Variants in MDFIC2 observed in about 807,000 individuals in gnomAD.
The protein encoded by MDFIC2 is myoD family inhibitor domain-containing protein 2.
chr3:70,264,394 C>G (rs13081397), intron 2 of MDFIC2, among the ~76,000 whole-genome samples: 60,984 of 152,096 alleles, frequency 0.4, 13,454 homozygotes, highest in Non-Finnish European at 0.51. Flanking sequence ...AGGGCAAACA[C>G]AGCAACAGGG....
chr3:70,274,090 T>TGTGTGTGCGCGC (rs770689062), intron 2 of MDFIC2, among the ~76,000 whole-genome samples: 2 of 145,062 alleles, frequency 1.4e-5, no homozygotes, highest in South Asian at 4.4e-4. Context: ...TGTGTGTGTG[T>TGTGTGTGCGCGC]GCGCGCGCGC....
intron 2 of MDFIC2, among the ~76,000 whole-genome samples, chr3:70,247,723 C>T (rs1701721269): frequency 6.6e-6 from 1 of 151,422 alleles, no homozygotes; most frequent in Admixed American, 6.6e-5. Flanking sequence ...TGAGCATTTG[C>T]CAATGCAATA....
At chr3:70,240,388 T>A (rs1701655816) in intron 2 of MDFIC2, among the ~76,000 whole-genome samples, 1 of 152,106 alleles carries the variant, frequency 6.6e-6, no homozygotes, top group East Asian at 1.9e-4. Flanking sequence ...GTGAGCTATG[T>A]GGTTTTTTGT....
intron 2 of MDFIC2, among the ~76,000 whole-genome samples, chr3:70,281,030 C>T (rs1702077743): frequency 1.3e-5 from 2 of 152,102 alleles, no homozygotes; most frequent in Admixed American, 1.3e-4. Context: ...TCCTTTGTAT[C>T]TTTGGGTCTT....
chr3:70,301,741 T>C (rs1702350686), intron 2 of MDFIC2, among the ~76,000 whole-genome samples: 1 of 152,086 alleles, frequency 6.6e-6, no homozygotes, highest in Non-Finnish European at 1.5e-5. Flanking sequence ...CTCAAGAAGA[T>C]TTATTTATAT....
chr3:70,225,018 C>T (rs1244803715), intron 2 of MDFIC2, among the ~76,000 whole-genome samples: 1 of 152,068 alleles, frequency 6.6e-6, no homozygotes. Context: ...GTACTCAAGA[C>T]AATGGAGGTT....
intron 2 of MDFIC2, among the ~76,000 whole-genome samples, chr3:70,308,915 G>T (rs1288599951): frequency 1.3e-5 from 2 of 152,120 alleles, no homozygotes; most frequent in Non-Finnish European, 2.9e-5. Flanking sequence ...GCCGAATAAG[G>T]CATTGCTGTG....
rs945956509 is a variant in MDFIC2, at chr3:70,194,683, A to G, written c.*2243T>C. ...AGACCTGGTGATTTTTATGTCTCTA[A>G]TTGACAAGCATTCAATTCACATTTG... On this transcript the variant is annotated 3_prime_UTR_variant, in exon 4 of 4. Coordinates refer to ENST00000567252, the MANE Select transcript of MDFIC2 (RefSeq NM_001364677.1). 6.6e-6 allele frequency among the ~76,000 whole-genome samples: 1 copy of G among 152,326 alleles called. No homozygotes were observed. The highest frequency in any genetic ancestry group is 1.5e-5 in the Non-Finnish European group (1 of 68,022).
At chr3:70,205,270 A>T (rs1701279287) in intron 3 of MDFIC2, 1 of 152,194 alleles carries the variant, frequency 6.6e-6, no homozygotes, top group African/African-American at 2.4e-5. Flanking sequence ...GTGTCGAGGT[A>T]GTGACATTTA....
At position 70,283,452 on chromosome 3, in the gene MDFIC2, G is replaced by A. The variant is rs151052775; in HGVS notation, c.88+28434C>T. ...CTGTAGAATTGTTCAAAGAGCAAGG[G>A]CCTTGAAGAGAGGATTTGAATCCCA... On this transcript the variant is annotated intron_variant, in intron 2 of 3. Transcript: ENST00000567252. Among the ~76,000 whole-genome samples the A allele has an allele frequency of 7.9e-5, 12 of 152,202 alleles. No homozygotes were observed. In the East Asian group the frequency reaches 2.1e-3, roughly 27 times the overall value.
At chr3:70,302,615 T>G (rs1702362256) in intron 2 of MDFIC2, 1 of 152,188 alleles carries the variant, frequency 6.6e-6, no homozygotes, top group South Asian at 2.1e-4. Flanking sequence ...TTCTTCCTAT[T>G]GGGACTGGAG....
chr3:70,225,722 A>G lies in MDFIC2; in HGVS notation c.89-18932T>C, dbSNP rs560265440. Among the ~76,000 whole-genome samples, 61 of 152,362 alleles carry G rather than the reference A, an allele frequency of 4.0e-4. 1 individual carries two copies. Among genetic ancestry groups the G allele is most frequent in the African/African-American group, 1.4e-3 (59 of 41,588 alleles). ...CACCCCCAAAATGAAACAATAAAGT[A>G]GAACGATAGTTTGGTGATAAGAACA... On this transcript the variant is annotated intron_variant, in intron 2 of 3. Coordinates refer to ENST00000567252, the MANE Select transcript of MDFIC2 (RefSeq NM_001364677.1).
chr3:70,216,409 G>C (rs2106733342), intron 2 of MDFIC2, among the ~76,000 whole-genome samples: 1 of 151,674 alleles, frequency 6.6e-6, no homozygotes, highest in South Asian at 2.1e-4. Context: ...AATACTCCCA[G>C]CAACCCTATG....
At chr3:70,282,939 T>G (rs1215941481) in intron 2 of MDFIC2, among the ~76,000 whole-genome samples, 1 of 152,150 alleles carries the variant, frequency 6.6e-6, no homozygotes, top group African/African-American at 2.4e-5. Context: ...AAAAGATGAC[T>G]CTTATAACCA....
At chr3:70,267,483 A>G (rs1433717073) in intron 2 of MDFIC2, among the ~76,000 whole-genome samples, 2 of 137,712 alleles carry the variant, frequency 1.5e-5, no homozygotes, top group Non-Finnish European at 3.0e-5. Context: ...GCTCACTGCA[A>G]GCTCCGCCTC....
At chr3:70,246,121 T>C (rs969691606) in intron 2 of MDFIC2, among the ~76,000 whole-genome samples, 1 of 151,994 alleles carries the variant, frequency 6.6e-6, no homozygotes, top group East Asian at 1.9e-4. Context: ...CACAGATATA[T>C]GCAGATGCTT....
At chr3:70,210,289 A>T (rs188415328) in intron 2 of MDFIC2, among the ~76,000 whole-genome samples, 1 of 152,212 alleles carries the variant, frequency 6.6e-6, no homozygotes, top group East Asian at 1.9e-4. Flanking sequence ...GAGAAGTTAA[A>T]CTGCCATTCA....
chr3:70,290,849 T>C (rs1467648308), intron 2 of MDFIC2, among the ~76,000 whole-genome samples: 1 of 152,160 alleles, frequency 6.6e-6, no homozygotes, highest in Non-Finnish European at 1.5e-5. Context: ...CCCCTTTCTT[T>C]GACTAGGAAA....
chr3:70,295,658 C>T (rs897976639), intron 2 of MDFIC2, among the ~76,000 whole-genome samples: 1 of 152,038 alleles, frequency 6.6e-6, no homozygotes, highest in Non-Finnish European at 1.5e-5. Flanking sequence ...TGTCATTGCC[C>T]TCCAGCTTGA....
Sources: gnomAD v4.1 joint callset for allele counts (sites outside exome capture counted in the v4.1 genomes callset) on GRCh38, gnomAD v4.1.1 for gene constraint, MANE v1.5 for transcripts, NCBI Gene and HGNC (gene_info 2026-07-23, HGNC 2026-07-21) for gene names.